The following TTLL4 variants were observed in gnomAD, a reference collection of about 807,000 sequenced individuals.
TTLL4 encodes tubulin tyrosine ligase like 4.
Under a neutral mutation model 122.7 loss-of-function variants are expected in TTLL4, and 85 were observed. The observed-to-expected ratio is 0.69, with a 90% CI of 0.58 to 0.83. The LOEUF (loss-of-function observed/expected upper bound fraction) is 0.83, where lower values mean the gene tolerates loss of function less well. Among genes scored for constraint, TTLL4 ranks in the 40% least tolerant of loss-of-function variants. The probability of loss-of-function intolerance (pLI) is 0.00; values close to 1 mark genes in which losing one functional copy is unlikely to be tolerated. For missense variants in TTLL4, 1,363 were observed against 1,488.6 expected, an observed-to-expected ratio of 0.92 and a Z score of 1.39; for synonymous variants, 553 against 563.0, an observed-to-expected ratio of 0.98 and a Z score of 0.25.
chr2:218,725,283 A>G (rs191032179), intron 1 of TTLL4, among the ~76,000 whole-genome samples: 3 of 152,182 alleles, frequency 2.0e-5, no homozygotes, highest in South Asian at 2.1e-4. Context: ...GCAGTGGTGT[A>G]TTCACAGCTC....
In TTLL4 at chr2:218,751,750, G is replaced by A; in HGVS notation, c.2920G>A (p.Val974Ile). The change falls in exon 16 of 20, where the codon GTC (valine) becomes ATC (isoleucine). Residue 974 changes from valine (V) to isoleucine (I), a missense_variant. Transcript: ENST00000392102. ...CAAATGTCGAATGGCTCCAGAGCAT[G>A]TCACTGCACAGAAGATGAAGAAAGC... ...GDKCRMAPEHVTAQKMKKAYY... is the reference protein window; with the variant it reads ...GDKCRMAPEHITAQKMKKAYY... 6.2e-7 allele frequency: 1 copy of A among 1,613,722 alleles called. No homozygotes were observed. The highest frequency in any genetic ancestry group is 8.5e-7 in the Non-Finnish European group (1 of 1,179,742).
chr2:218,737,716 C>T lies in TTLL4; in HGVS notation c.40C>T (p.Arg14Cys), dbSNP rs778775604. The change falls in exon 3 of 20, where the codon CGC (arginine) becomes TGC (cysteine). Residue 14 changes from arginine to cysteine, a missense_variant. Arg to Cys is a radical substitution (Grantham distance 180). This residue lies in a region of TTLL4 where 760 missense variants were observed against 808.4 expected (regional missense o/e 0.94). Coordinates refer to ENST00000392102, the MANE Select transcript of TTLL4 (RefSeq NM_014640.5). ...AACACAGCACTATAGTATTGGCCTC[C>T]GCCAGAAAAACAGCTTCAAGCAGAG... ...AGTQHYSIGL[R>C]QKNSFKQSGP... 1.6e-5 allele frequency: 25 copies of T among 1,612,736 alleles called. No individual in the cohort carries two copies. Among genetic ancestry groups the T allele is most frequent in the East Asian group, 1.3e-4 (6 of 44,894 alleles).
intron 4 of TTLL4, 81 bp downstream of exon 4, chr2:218,740,248 C>T: frequency 1.5e-6 from 2 of 1,333,980 alleles, no homozygotes; most frequent in Non-Finnish European, 2.1e-6. Flanking sequence ...TGTACTAGGT[C>T]CTTGACTCAC....
At chr2:218,719,570 T>TAAAAAAA (rs542414750) in intron 1 of TTLL4, among the ~76,000 whole-genome samples, 1 of 135,752 alleles carries the variant, frequency 7.4e-6, no homozygotes, top group African/African-American at 2.8e-5. Context: ...AAATAAGCCT[T>TAAAAAAA]AAAAAAAAAA....
rs1196551035 is a variant in TTLL4, at chr2:218,752,941, G to A, written c.3155G>A (p.Trp1052Ter). 4.6e-5 allele frequency: 75 copies of A among 1,614,104 alleles called. No homozygotes were observed. Among genetic ancestry groups the A allele is most frequent in the Non-Finnish European group, 6.4e-5 (75 of 1,180,022 alleles). Residue 1052 changes from tryptophan (W) to a stop codon, truncating the protein, a stop_gained, in exon 17 of 20, where the codon TGG becomes TAG. Coordinates refer to ENST00000392102, the MANE Select transcript of TTLL4 (RefSeq NM_014640.5). LOFTEE classifies it high-confidence loss of function. Reference protein sequence around the residue: ...PRYFNILTTQWEQKYHGNKLK... With the variant: ...PRYFNILTTQ ...TATTTCAACATTCTCACCACCCAATGGGAACAGAAATACCATGGCAACAAG... is the reference window on the plus strand; with the variant it reads ...TATTTCAACATTCTCACCACCCAATAGGAACAGAAATACCATGGCAACAAG...
Position 218,748,922 on chromosome 2 carries a change from A to G in TTLL4, c.2588A>G (p.Lys863Arg). The stretch of plus-strand genomic sequence containing the variant: ...GAGAAGATAAAGGATGTTGTTGTCA[A>G]AACTATCATCTCGTGAGTCACATTG... ...IWEKIKDVVV[K>R]TIISSEPYVT... The change falls in exon 13 of 20, where the codon AAA (lysine) becomes AGA (arginine). Residue 863 changes from lysine (K) to arginine (R), a missense_variant. Around this residue, in one of 3 missense-constraint regions of TTLL4, gnomAD observed 596 missense variants for 655.8 expected, o/e 0.91. Transcript: ENST00000392102. 1.2e-6 allele frequency: 2 copies of G among 1,614,132 alleles called. No individual in the cohort carries two copies. Among genetic ancestry groups the G allele is most frequent in the East Asian group, 2.2e-5 (1 of 44,878 alleles).
chr2:218,757,745 C>G (rs756896704), downstream of TTLL4, among the ~76,000 whole-genome samples: 3 of 152,126 alleles, frequency 2.0e-5, no homozygotes, highest in Non-Finnish European at 4.4e-5. Flanking sequence ...CTGCTGAGGG[C>G]CAGTGAAGGA....
At chr2:218,716,893 G>A (rs1357721207) in intron 1 of TTLL4, among the ~76,000 whole-genome samples, 4 of 152,324 alleles carry the variant, frequency 2.6e-5, no homozygotes, top group Middle Eastern at 3.4e-3. Flanking sequence ...TCGTGCCATC[G>A]TCTTGATTCA....
At chr2:218,723,595 T>C (rs1415231340) in intron 1 of TTLL4, among the ~76,000 whole-genome samples, 1 of 152,202 alleles carries the variant, frequency 6.6e-6, no homozygotes, top group Non-Finnish European at 1.5e-5. Flanking sequence ...GTTTGGAAAT[T>C]GCAGAAGTGA....
chr2:218,740,226 G>A (rs1942661866), intron 4 of TTLL4, 59 bp downstream of exon 4: 1 of 1,531,248 alleles, frequency 6.5e-7, no homozygotes, highest in Non-Finnish European at 9.0e-7. Context: ...TTGGGCAGGG[G>A]GCTGACAATT....
At position 218,754,185 on chromosome 2, in the gene TTLL4, G is replaced by C; in HGVS notation, c.3396G>C (p.Thr1132=). 1 of 1,614,110 alleles carries C rather than the reference G, an allele frequency of 6.2e-7. No homozygotes were observed. The change falls in exon 20 of 20, where the codon ACG becomes ACC. Residue 1132 remains threonine (T), a synonymous_variant. Coordinates refer to ENST00000392102, the MANE Select transcript of TTLL4 (RefSeq NM_014640.5). ...TACTACTCTCTGAAGACGGGACCAC[G>C]CCCAAATCCAAGAAGACTCAAGCTG... ...VSLLLSEDGT[T]PKSKKTQAGL...
rs1942614566 is a variant in TTLL4 at position 218,738,804 on chromosome 2, C to T, written c.1128C>T (p.Ser376=). The change falls in exon 3 of 20, where the codon AGC becomes AGT. Residue 376 remains serine (S), a synonymous_variant. Transcript: ENST00000392102. ...TCCAGTGGAATGTCCTCAACAGGAG[C>T]AGGCGGTGGAAACCTCCTGCGGTAA... ...PSFQWNVLNR[S]RRWKPPAVNQ... 1.9e-6 allele frequency: 3 copies of T among 1,614,092 alleles called. No individual in the cohort carries two copies. Among genetic ancestry groups the T allele is most frequent in the African/African-American group, 1.3e-5 (1 of 74,936 alleles).
intron 1 of TTLL4, among the ~76,000 whole-genome samples, chr2:218,711,434 C>T (rs923207881): frequency 1.3e-5 from 2 of 152,178 alleles, no homozygotes; most frequent in African/African-American, 2.4e-5. Context: ...TGGATATCTG[C>T]TTTTTCACTT....
chr2:218,740,676 G>T, intron 5 of TTLL4, 92 bp downstream of exon 5: 3 of 1,462,118 alleles, frequency 2.1e-6, no homozygotes, highest in Non-Finnish European at 2.9e-6. Flanking sequence ...TTAATGGCCT[G>T]GAGAACTCTA....
chr2:218,716,156 GC>G (rs1274261591), intron 1 of TTLL4, among the ~76,000 whole-genome samples: 1 of 152,194 alleles, frequency 6.6e-6, no homozygotes, highest in Non-Finnish European at 1.5e-5. Flanking sequence ...ATACCATTTT[GC>G]CAAAATTCTA....
intron 1 of TTLL4, among the ~76,000 whole-genome samples, chr2:218,718,439 C>T (rs954576493): frequency 4.0e-5 from 6 of 151,552 alleles, no homozygotes; most frequent in Admixed American, 2.6e-4. Flanking sequence ...AGTGCAATGG[C>T]GCAATCTCGG....
intron 15 of TTLL4, 26 bp downstream of exon 15, chr2:218,750,172 C>T (rs1942978290): frequency 1.2e-6 from 2 of 1,610,444 alleles, no homozygotes; most frequent in Non-Finnish European, 1.7e-6. Context: ...CTTCACAGCT[C>T]TGCTGGCAGC....
chr2:218,744,218 AAAT>A (rs1342163431), intron 5 of TTLL4, among the ~76,000 whole-genome samples: 1 of 152,244 alleles, frequency 6.6e-6, no homozygotes, highest in Non-Finnish European at 1.5e-5. Flanking sequence ...GTTGTGCTGA[AAAT>A]AATAACAGGT....
chr2:218,734,646 A>G (rs1451147717), intron 2 of TTLL4, among the ~76,000 whole-genome samples: 3 of 152,172 alleles, frequency 2.0e-5, no homozygotes, highest in Non-Finnish European at 2.9e-5. Context: ...GTGGGAATCA[A>G]TAGTGGGGCT....
Sources: gnomAD v4.1 joint callset for allele counts (sites outside exome capture counted in the v4.1 genomes callset) on GRCh38, gnomAD v4.1.1 for gene constraint, gnomAD v4.1.1 regional missense constraint, MANE v1.5 for transcripts, NCBI Gene and HGNC (gene_info 2026-07-23, HGNC 2026-07-21) for gene names.